ADAMTSL3: variants seen among roughly 807,000 people sequenced by gnomAD.
The protein encoded by ADAMTSL3 is ADAMTS like 3, also known as ADAMTS-like protein 3.
In ADAMTSL3, 128 loss-of-function variants were observed where a neutral mutation model predicts 201.7. The ratio of observed to expected loss-of-function variants is 0.63; its 90% CI spans 0.55 to 0.73. The LOEUF (loss-of-function observed/expected upper bound fraction) is 0.73, where lower values mean the gene tolerates loss of function less well. Ranked by LOEUF, ADAMTSL3 falls within the 30% of genes least tolerant of loss-of-function variation. The pLI, the probability that ADAMTSL3 is intolerant of heterozygous loss-of-function variation, is 0.00. For synonymous variants in ADAMTSL3, 738 were observed against 748.4 expected (o/e 0.99, Z 0.23); for missense variants, 1,990 against 2,119.6 (o/e 0.94, Z 1.20).
At chr15:84,009,763 C>A (rs935209519) in intron 23 of ADAMTSL3, among the ~76,000 whole-genome samples, 1 of 152,194 alleles carries the variant, frequency 6.6e-6, no homozygotes, top group South Asian at 2.1e-4. Flanking sequence ...GTCTCATGGT[C>A]CCCGGGTTGA....
chr15:83,862,454 G>A (rs2064884782), intron 8 of ADAMTSL3: 1 of 152,128 alleles, frequency 6.6e-6, no homozygotes, highest in South Asian at 2.1e-4. Context: ...AAGAGAGTGG[G>A]GGCCAATATT....
intron 20 of ADAMTSL3, among the ~76,000 whole-genome samples, chr15:83,974,665 T>C (rs1425393323): frequency 1.3e-5 from 2 of 152,222 alleles, no homozygotes; most frequent in African/African-American, 4.8e-5. Flanking sequence ...ATATGTTAGA[T>C]GTGGTTCATT....
intron 3 of ADAMTSL3, among the ~76,000 whole-genome samples, chr15:83,741,487 A>G (rs1165035860): frequency 6.6e-6 from 1 of 152,178 alleles, no homozygotes; most frequent in Non-Finnish European, 1.5e-5. Context: ...AAGTTTCCTA[A>G]TGAATATCAT....
intron 13 of ADAMTSL3, among the ~76,000 whole-genome samples, chr15:83,894,706 A>T (rs1265169719): frequency 6.6e-6 from 1 of 152,162 alleles, no homozygotes; most frequent in African/African-American, 2.4e-5. Context: ...CTCTCCAAGA[A>T]AATATATATG....
chr15:83,815,806 T>C (rs962881549), intron 5 of ADAMTSL3, among the ~76,000 whole-genome samples: 2 of 152,254 alleles, frequency 1.3e-5, no homozygotes, highest in Non-Finnish European at 2.9e-5. Context: ...TTTGGACTAG[T>C]GGCTAAAAAC....
intron 13 of ADAMTSL3, among the ~76,000 whole-genome samples, chr15:83,893,134 A>G (rs1433567673): frequency 6.6e-6 from 1 of 152,168 alleles, no homozygotes; most frequent in East Asian, 1.9e-4. Flanking sequence ...TTACCAGCGT[A>G]ATTAATATTA....
chr15:83,867,633 G>T (rs1018250023), intron 8 of ADAMTSL3, among the ~76,000 whole-genome samples: 3 of 152,158 alleles, frequency 2.0e-5, no homozygotes, highest in Admixed American at 2.0e-4. Context: ...TGACATGAAT[G>T]AAATTAGCAT....
intron 23 of ADAMTSL3, among the ~76,000 whole-genome samples, chr15:83,994,958 G>A (rs1258847446): frequency 2.6e-5 from 4 of 151,964 alleles, no homozygotes; most frequent in African/African-American, 9.7e-5. Flanking sequence ...TATGTGGAAG[G>A]GAGGAAGCAA....
At chr15:83,676,023 G>C (rs779401947) in intron 2 of ADAMTSL3, among the ~76,000 whole-genome samples, 15 of 151,698 alleles carry the variant, frequency 9.9e-5, no homozygotes, top group Non-Finnish European at 2.2e-4. Flanking sequence ...TCAGCTTATT[G>C]TTTTGTTGAT....
intron 3 of ADAMTSL3, chr15:83,717,287 A>T (rs914007892): frequency 1.3e-5 from 2 of 152,220 alleles, no homozygotes; most frequent in Non-Finnish European, 1.5e-5. Context: ...TGCAATTTCA[A>T]TCTTGAAACT....
rs889399417 is a variant in ADAMTSL3 at position 84,038,575 on chromosome 15, A to C, written c.*769A>C. ...CTTTCTTTTAAGAGCTGTGAATGAA[A>C]CTTTTTCTAAGCACTATTCTATTGC... On this transcript the variant is annotated 3_prime_UTR_variant, in exon 30 of 30. Transcript: ENST00000286744. 27 of 152,758 alleles carry C rather than the reference A, an allele frequency of 1.8e-4. No individual in the cohort carries two copies. The highest frequency in any genetic ancestry group is 5.1e-4 in the African/African-American group (21 of 41,576). 9.5% of individuals were successfully genotyped at this position (152,758 alleles called of 1,614,324 possible). A position where few individuals can be genotyped will look rare whatever the true frequency, so the allele number is the denominator to read the frequency against.
At chr15:83,981,032 A>G (rs1168958413) in intron 20 of ADAMTSL3, among the ~76,000 whole-genome samples, 1 of 152,250 alleles carries the variant, frequency 6.6e-6, no homozygotes, top group Non-Finnish European at 1.5e-5. Context: ...ATGACCTTCT[A>G]AATCCAGAGG....
chr15:84,025,153 G>T, intron 26 of ADAMTSL3, 85 bp from the exon 27 acceptor site: 2 of 1,175,842 alleles, frequency 1.7e-6, no homozygotes, highest in Non-Finnish European at 2.4e-6. Context: ...CATGGTGTTG[G>T]GATCAGCTTT....
chr15:84,014,839 C>A, intron 24 of ADAMTSL3, 115 bp downstream of exon 24: 2 of 1,045,872 alleles, frequency 1.9e-6, no homozygotes, highest in Non-Finnish European at 2.8e-6. Flanking sequence ...ATGGTTTTAA[C>A]CATTGCTGCC....
intron 3 of ADAMTSL3, among the ~76,000 whole-genome samples, chr15:83,716,344 A>C (rs2062017815): frequency 6.7e-6 from 1 of 150,042 alleles, no homozygotes; most frequent in African/African-American, 2.5e-5. Context: ...CTCTACTAAA[A>C]ACACACACAC....
chr15:83,758,157 ATTTACTGTAT>A (rs569464517), intron 3 of ADAMTSL3, among the ~76,000 whole-genome samples: 1 of 152,112 alleles, frequency 6.6e-6, no homozygotes, highest in Non-Finnish European at 1.5e-5. Flanking sequence ...ACCAGTACCA[ATTTACTGTAT>A]TAGTCCGTTT....
chr15:83,959,821 G>A (rs2066928927), intron 19 of ADAMTSL3, among the ~76,000 whole-genome samples: 1 of 152,200 alleles, frequency 6.6e-6, no homozygotes. Flanking sequence ...GACATTCTCT[G>A]ATGGCATGCT....
chr15:83,675,629 A>G (rs1052943047), intron 2 of ADAMTSL3, among the ~76,000 whole-genome samples: 2 of 122,188 alleles, frequency 1.6e-5, no homozygotes, highest in African/African-American at 6.4e-5. Context: ...TTTTAGTACT[A>G]TCTTCATAAA....
At chr15:83,957,937 A>G (rs1470294616) in intron 19 of ADAMTSL3, among the ~76,000 whole-genome samples, 1 of 152,222 alleles carries the variant, frequency 6.6e-6, no homozygotes, top group Admixed American at 6.5e-5. Flanking sequence ...AAGCAAAATC[A>G]TGGTAGTAGC....
Sources: allele counts gnomAD v4.1 joint callset (sites outside exome capture counted in the v4.1 genomes callset), GRCh38; gene constraint gnomAD v4.1.1; transcripts MANE v1.5; gene names NCBI Gene and HGNC (gene_info 2026-07-23, HGNC 2026-07-21).